Variants in ZBTB20 observed in about 807,000 individuals in gnomAD.
ZBTB20 encodes the protein zinc finger and BTB domain containing 20, also known as zinc finger and BTB domain-containing protein 20.
A neutral mutation model predicts 56.9 loss-of-function variants in ZBTB20; 9 were observed. That is an observed-to-expected ratio of 0.16 (90% CI 0.10 to 0.28). ZBTB20 has a LOEUF of 0.28. ZBTB20 is among the 10% of genes least tolerant of loss of function. The probability of loss-of-function intolerance (pLI) is 1.00; values close to 1 mark genes in which losing one functional copy is unlikely to be tolerated. For missense variants in ZBTB20, 655 were observed against 1,003.0 expected (o/e 0.65, Z 4.69); for synonymous variants, 417 against 420.7 (o/e 0.99, Z 0.11).
chr3:114,826,500 G>A (rs756901007), intron 4 of ZBTB20, among the ~76,000 whole-genome samples: 9 of 151,562 alleles, frequency 5.9e-5, no homozygotes, highest in South Asian at 4.2e-4. Flanking sequence ...TTCATTCACC[G>A]AATCCTTCCA....
intron 6 of ZBTB20, among the ~76,000 whole-genome samples, chr3:114,545,063 T>C (rs2049703374): frequency 6.6e-6 from 1 of 152,206 alleles, no homozygotes; most frequent in African/African-American, 2.4e-5. Flanking sequence ...CTCACACCTC[T>C]TCTTTCTTCC....
chr3:114,699,394 TAGA>T (rs1346855271), intron 5 of ZBTB20, among the ~76,000 whole-genome samples: 1 of 152,004 alleles, frequency 6.6e-6, no homozygotes, highest in African/African-American at 2.4e-5. Flanking sequence ...TTTAAATTAC[TAGA>T]AGGACACCAA....
chr3:114,863,167 C>T (rs2075608398), intron 4 of ZBTB20, among the ~76,000 whole-genome samples: 1 of 151,866 alleles, frequency 6.6e-6, no homozygotes, highest in South Asian at 2.1e-4. Flanking sequence ...GACATTATAG[C>T]AAAAAGTAAG....
intron 4 of ZBTB20, among the ~76,000 whole-genome samples, chr3:114,856,304 T>A (rs2075252418): frequency 6.6e-6 from 1 of 152,184 alleles, no homozygotes; most frequent in African/African-American, 2.4e-5. Context: ...ATTATGCCCA[T>A]TTTTGGAAGA....
intron 2 of ZBTB20, among the ~76,000 whole-genome samples, chr3:115,009,151 A>G (rs1487460389): frequency 6.6e-6 from 1 of 151,582 alleles, no homozygotes; most frequent in African/African-American, 2.4e-5. Flanking sequence ...TTTCTTCTGG[A>G]ATGTATTCTT....
chr3:114,590,475 T>C, intron 6 of ZBTB20, among the ~76,000 whole-genome samples: 1 of 146,660 alleles, frequency 6.8e-6, no homozygotes, highest in Middle Eastern at 3.6e-3. Context: ...TAAAAATAAA[T>C]AAATAAATTT....
chr3:114,577,865 G>A (rs2054253453), intron 6 of ZBTB20, among the ~76,000 whole-genome samples: 1 of 152,152 alleles, frequency 6.6e-6, no homozygotes, highest in Non-Finnish European at 1.5e-5. Context: ...CCAGATAAAG[G>A]CAACTGTAAA....
chr3:114,479,437 G>A (rs558952926), intron 7 of ZBTB20, among the ~76,000 whole-genome samples: 2 of 152,278 alleles, frequency 1.3e-5, no homozygotes, highest in South Asian at 2.1e-4. Flanking sequence ...TTTATCCTCA[G>A]TAGAGTATTA....
chr3:114,579,038 C>G (rs2054377073), intron 6 of ZBTB20, among the ~76,000 whole-genome samples: 1 of 151,614 alleles, frequency 6.6e-6, no homozygotes. Flanking sequence ...CTTTTTTATA[C>G]TAAGAAGAAG....
chr3:114,868,280 G>A (rs1230997762), intron 4 of ZBTB20, among the ~76,000 whole-genome samples: 1 of 152,100 alleles, frequency 6.6e-6, no homozygotes, highest in Non-Finnish European at 1.5e-5. Context: ...CAGAGCACTT[G>A]GCAACTGACA....
At chr3:114,855,119 A>G (rs1014657274) in intron 4 of ZBTB20, among the ~76,000 whole-genome samples, 29 of 152,342 alleles carry the variant, frequency 1.9e-4, no homozygotes, top group Non-Finnish European at 3.8e-4. Context: ...TGTGTGTGTT[A>G]TAAGTATGTA....
chr3:114,727,863 C>A (rs1025422103), intron 5 of ZBTB20, among the ~76,000 whole-genome samples: 3 of 151,418 alleles, frequency 2.0e-5, no homozygotes, highest in Non-Finnish European at 4.4e-5. Flanking sequence ...CAATAATTAC[C>A]ACAAATACAA....
intron 2 of ZBTB20, among the ~76,000 whole-genome samples, chr3:115,070,595 T>C (rs2082375040): frequency 6.6e-6 from 1 of 152,060 alleles, no homozygotes; most frequent in Non-Finnish European, 1.5e-5. Flanking sequence ...GGATTTACCA[T>C]GGAAAAATAC....
intron 4 of ZBTB20, among the ~76,000 whole-genome samples, chr3:114,826,765 T>G (rs2108939876): frequency 6.6e-6 from 1 of 151,800 alleles, no homozygotes; most frequent in East Asian, 1.9e-4. Flanking sequence ...AAAGCAGAGA[T>G]AGAAAAAAGA....
intron 5 of ZBTB20, among the ~76,000 whole-genome samples, chr3:114,782,850 A>T (rs1019780201): frequency 2.6e-5 from 4 of 152,218 alleles, no homozygotes; most frequent in Non-Finnish European, 4.4e-5. Flanking sequence ...GATAAGTTGA[A>T]AGTCCTGTGA....
chr3:114,849,832 T>C (rs1328040331), intron 4 of ZBTB20, among the ~76,000 whole-genome samples: 1 of 151,240 alleles, frequency 6.6e-6, no homozygotes, highest in Non-Finnish European at 1.5e-5. Flanking sequence ...AATCATCTCC[T>C]CTACTGAGGA....
intron 3 of ZBTB20, among the ~76,000 whole-genome samples, chr3:114,958,944 A>T (rs1039381381): frequency 6.6e-6 from 1 of 152,150 alleles, no homozygotes; most frequent in Non-Finnish European, 1.5e-5. Context: ...CCCAGAAGTG[A>T]TAACACTGTA....
chr3:114,884,633 T>C (rs2076536115), intron 4 of ZBTB20, among the ~76,000 whole-genome samples: 1 of 152,164 alleles, frequency 6.6e-6, no homozygotes, highest in Non-Finnish European at 1.5e-5. Context: ...TTTGGTGAAA[T>C]TTCTGTTTCA....
At chr3:114,477,047 C>T (rs2109320292) in intron 7 of ZBTB20, among the ~76,000 whole-genome samples, 1 of 152,268 alleles carries the variant, frequency 6.6e-6, no homozygotes, top group South Asian at 2.1e-4. Context: ...TCCACAGTAC[C>T]TAGAACACTG....
Sources: allele counts gnomAD v4.1 joint callset (sites outside exome capture counted in the v4.1 genomes callset), GRCh38; gene constraint gnomAD v4.1.1; transcripts MANE v1.5; gene names NCBI Gene and HGNC (gene_info 2026-07-23, HGNC 2026-07-21).